Variants in CLCN6 observed in about 807,000 individuals in gnomAD.
CLCN6 encodes the protein H(+)/Cl(-) exchange transporter 6.
In CLCN6, 70 loss-of-function variants were observed where a neutral mutation model predicts 109.8. The ratio of observed to expected loss-of-function variants is 0.64; its 90% CI spans 0.53 to 0.78. The LOEUF is 0.78. Among genes scored for constraint, CLCN6 ranks in the 30% least tolerant of loss-of-function variants. The probability of loss-of-function intolerance (pLI) is 0.00; values close to 1 mark genes in which losing one functional copy is unlikely to be tolerated. For missense variants in CLCN6, 984 were observed against 1,142.3 expected, an observed-to-expected ratio of 0.86 and a Z score of 2.00; for synonymous variants, 444 against 447.8, an observed-to-expected ratio of 0.99 and a Z score of 0.11.
chr1:11,812,638 CAAA>C (rs755458102), intron 2 of CLCN6, among the ~76,000 whole-genome samples: 1 of 96,950 alleles, frequency 1.0e-5, no homozygotes, highest in Non-Finnish European at 2.1e-5. Context: ...TACCACGGCT[CAAA>C]AAAAAAAAAA....
chr1:11,828,069 T>C, intron 10 of CLCN6, 37 bp from the exon 11 acceptor site: 1 of 1,499,438 alleles, frequency 6.7e-7, no homozygotes, highest in South Asian at 1.1e-5. Context: ...GACATGCCAC[T>C]CCTGAACCTT....
intron 20 of CLCN6, among the ~76,000 whole-genome samples, chr1:11,838,006 A>G (rs1644971997): frequency 1.3e-5 from 2 of 152,124 alleles, no homozygotes; most frequent in Admixed American, 6.5e-5. Flanking sequence ...ACTTGGCCAT[A>G]TCTTTTGGTG....
At chr1:11,830,737 T>TA (rs1359328796) in intron 13 of CLCN6, among the ~76,000 whole-genome samples, 9 of 91,112 alleles carry the variant, frequency 9.9e-5, no homozygotes, top group Admixed American at 5.9e-4. Context: ...TATGTATATA[T>TA]TATATATATA....
At chr1:11,813,138 GC>G (rs760092046) in intron 2 of CLCN6, among the ~76,000 whole-genome samples, 15 of 151,996 alleles carry the variant, frequency 9.9e-5, no homozygotes, top group Non-Finnish European at 1.9e-4. Flanking sequence ...TCTGTACCTC[GC>G]TGGCATTATT....
chr1:11,820,874 A>G, intron 5 of CLCN6: 1 of 153,028 alleles, frequency 6.5e-6, no homozygotes. Flanking sequence ...CAGGAGTTCA[A>G]GGCCAGCCTG....
At chr1:11,840,059 A>G (rs1644999351) in intron 22 of CLCN6, 84 bp from the exon 23 acceptor site, 12 of 1,140,886 alleles carry the variant, frequency 1.1e-5, no homozygotes, top group Admixed American at 1.7e-5. Flanking sequence ...TTCTGTGACA[A>G]ACTAACAGGG....
At chr1:11,810,737 A>G (rs1252571795) in intron 2 of CLCN6, among the ~76,000 whole-genome samples, 2 of 152,192 alleles carry the variant, frequency 1.3e-5, no homozygotes, top group East Asian at 1.9e-4. Context: ...CCATTGGTAC[A>G]TATTTACAAA....
Position 11,823,851 on chromosome 1 carries a change from T to A in CLCN6, c.580+18T>A, listed in dbSNP as rs1460752548. 1 of 1,613,472 alleles carries A rather than the reference T, an allele frequency of 6.2e-7. No individual in the cohort carries two copies. The highest frequency in any genetic ancestry group is 1.7e-5 in the Admixed American group (1 of 59,916). ...GGCTGGAGGTAAGAAGGGTCCAACT[T>A]GTATCCTTCAAATACTCAAAGGGCA... On this transcript the variant is annotated intron_variant, in intron 7 of 22. Transcript: ENST00000346436.
In CLCN6 at chr1:11,823,694, T is replaced by A; in HGVS notation, c.454-13T>A. 2 of 1,614,038 alleles carry A rather than the reference T, an allele frequency of 1.2e-6. No homozygotes were observed. Among genetic ancestry groups the A allele is most frequent in the Non-Finnish European group, 1.7e-6 (2 of 1,179,938 alleles). Reference sequence around the variant, plus strand: ...GATTTCGAGTTATGGGTGTGCCTGCTCTCCTCCATCAGCCGGTGGCAGCAG... The same window carrying A: ...GATTTCGAGTTATGGGTGTGCCTGCACTCCTCCATCAGCCGGTGGCAGCAG... On this transcript the variant is annotated splice_polypyrimidine_tract_variant and intron_variant, in intron 6 of 22. Transcript: ENST00000346436.
In CLCN6 at chr1:11,840,168, A is replaced by G; in HGVS notation, c.2555A>G (p.Asn852Ser). Residue 852 changes from asparagine to serine, a missense_variant, in exon 23 of 23, where the codon AAC becomes AGC. Transcript: ENST00000346436. Reference sequence around the variant, plus strand: ...ATCGTGGGGATCATCACACGGCACAACCTCACCTATGAATTTCTGCAGGCC... The same window carrying G: ...ATCGTGGGGATCATCACACGGCACAGCCTCACCTATGAATTTCTGCAGGCC... ...GEIVGIITRH[N>S]LTYEFLQARL... 2 of 1,613,834 alleles carry G rather than the reference A, an allele frequency of 1.2e-6. No homozygotes were observed. The highest frequency in any genetic ancestry group is 8.5e-7 in the Non-Finnish European group (1 of 1,179,994).
chr1:11,806,799 G>A (rs561055225), intron 1 of CLCN6: 19 of 383,134 alleles, frequency 5.0e-5, no homozygotes, highest in African/African-American at 3.7e-4. Context: ...TCCCAGAGTT[G>A]ACAAGTCCTT....
At chr1:11,826,807 A>G (rs1644817277) in intron 9 of CLCN6, among the ~76,000 whole-genome samples, 1 of 152,102 alleles carries the variant, frequency 6.6e-6, no homozygotes, top group Non-Finnish European at 1.5e-5. Context: ...CTGCCCCCTG[A>G]GCTGGGGGCT....
At chr1:11,814,219 ATTTT>A (rs1644639256) in intron 2 of CLCN6, among the ~76,000 whole-genome samples, 2 of 134,756 alleles carry the variant, frequency 1.5e-5, no homozygotes, top group Admixed American at 1.4e-4. Flanking sequence ...GCCGACCATT[ATTTT>A]TCTTTGTTGC....
chr1:11,838,316 G>T lies in CLCN6; in HGVS notation c.2296-19G>T. On this transcript the variant is annotated intron_variant, in intron 20 of 22. Transcript: ENST00000346436. ...CCACTGCTGCCTGAGCACGGACAGT[G>T]TCTGGGTTGGAATTGCAGAGCGCCA... The T allele has an allele frequency of 6.2e-7, 1 of 1,611,412 alleles. No homozygotes were observed. The highest frequency in any genetic ancestry group is 8.5e-7 in the Non-Finnish European group (1 of 1,178,572).
chr1:11,820,478 T>C, intron 5 of CLCN6: 1 of 687,248 alleles, frequency 1.5e-6, no homozygotes, highest in South Asian at 1.6e-5. Flanking sequence ...AGAAAAAACA[T>C]CAATGGGGCC....
chr1:11,838,340 C>T lies in CLCN6; in HGVS notation c.2301C>T (p.Ala767=), dbSNP rs1323275196. The change falls in exon 21 of 23, where the codon GCC becomes GCT. Residue 767 remains alanine (A), a synonymous_variant. Transcript: ENST00000346436. ...GVCYSESQSS[A]SQPRLSYAEM... ...TGTCTGGGTTGGAATTGCAGAGCGC[C>T]AGCCAGCCGCGCCTCTCCTATGCCG... The T allele has an allele frequency of 6.2e-7, 1 of 1,613,490 alleles. No homozygotes were observed. Among genetic ancestry groups the T allele is most frequent in the Non-Finnish European group, 8.5e-7 (1 of 1,179,994 alleles).
rs1038729223 is a variant in CLCN6 at position 11,842,326 on chromosome 1, A to G, written c.*2103A>G. The G allele has an allele frequency of 1.3e-5, 2 of 152,684 alleles. No homozygotes were observed. The highest frequency in any genetic ancestry group is 2.4e-5 in the African/African-American group (1 of 41,456). The allele number at this position is 152,684 out of a possible 1,614,324, so 9.5% of individuals were successfully genotyped here. On this transcript the variant is annotated 3_prime_UTR_variant, in exon 23 of 23. Coordinates refer to ENST00000346436, the MANE Select transcript of CLCN6 (RefSeq NM_001286.5). Reference sequence around the variant, plus strand: ...GTTTAGCCCAGAGATAGACAGTAGAATGCAAATACCTCCCTCCCCTAAACT... The same window carrying G: ...GTTTAGCCCAGAGATAGACAGTAGAGTGCAAATACCTCCCTCCCCTAAACT...
At chr1:11,813,846 G>A (rs1469990551) in intron 2 of CLCN6, among the ~76,000 whole-genome samples, 1 of 151,956 alleles carries the variant, frequency 6.6e-6, no homozygotes, top group Non-Finnish European at 1.5e-5. Context: ...AATCAAAAAG[G>A]GATATTATAC....
chr1:11,829,243 T>C lies in CLCN6; in HGVS notation c.1169T>C (p.Phe390Ser). 6.2e-7 allele frequency: 1 copy of C among 1,614,144 alleles called. No individual in the cohort carries two copies. The highest frequency in any genetic ancestry group is 8.5e-7 in the Non-Finnish European group (1 of 1,180,006). ...TCTCTGGTAACCACCGTGGTGGTGT[T>C]TGTGGCCTCGATGGTGTTAGGAGAA... The part of the protein sequence containing the change: ...LVSLVTTVVV[F>S]VASMVLGECR... Residue 390 changes from phenylalanine (F) to serine (S), a missense_variant, in exon 13 of 23, where the codon TTT (phenylalanine) becomes TCT (serine). Physicochemically the swap from Phe to Ser is radical, Grantham distance 155. Transcript: ENST00000346436.
Sources: allele counts gnomAD v4.1 joint callset (sites outside exome capture counted in the v4.1 genomes callset), GRCh38; gene constraint gnomAD v4.1.1; transcripts MANE v1.5; gene names NCBI Gene and HGNC (gene_info 2026-07-23, HGNC 2026-07-21).